The following DST variants were observed in gnomAD, a reference collection of about 807,000 sequenced individuals.
DST encodes bullous pemphigoid antigen.
Under a neutral mutation model 875.2 loss-of-function variants are expected in DST, and 253 were observed. That is an observed-to-expected ratio of 0.29 (90% confidence interval 0.26 to 0.32). The LOEUF (loss-of-function observed/expected upper bound fraction) is 0.32, where lower values mean the gene tolerates loss of function less well. DST is among the 10% of genes least tolerant of loss of function. The pLI is 1.00. For synonymous variants in DST, 3,124 were observed against 3,197.1 expected (o/e 0.98, Z 0.77); for missense variants, 8,287 against 9,111.6 (o/e 0.91, Z 3.68).
intron 39 of DST, 71 bp from the exon 40 acceptor site, chr6:56,609,415 G>A (rs2098525821): frequency 1.8e-6 from 2 of 1,102,630 alleles, no homozygotes; most frequent in Admixed American, 2.3e-5. Flanking sequence ...TGCAACTTAG[G>A]TTTTTTAAAA....
chr6:56,557,520 T>TA lies in DST; in HGVS notation c.14441-3dup. 2.5e-6 allele frequency: 4 copies of TA among 1,599,958 alleles called. No homozygotes were observed. Among genetic ancestry groups the TA allele is most frequent in the Non-Finnish European group, 2.6e-6 (3 of 1,173,274 alleles). ...GATTGAGTTCTTGCCACTTAGAATC[T>TA]AAAAGAAAAAAAATGAAACTGGTGT... On this transcript the variant is annotated splice_polypyrimidine_tract_variant and splice_region_variant and intron_variant, in intron 58 of 103. Coordinates refer to ENST00000680361, the MANE Select transcript of DST (RefSeq NM_001374736.1).
At chr6:56,759,515 T>G (rs1200049360) in intron 4 of DST, among the ~76,000 whole-genome samples, 1 of 152,168 alleles carries the variant, frequency 6.6e-6, no homozygotes, top group Non-Finnish European at 1.5e-5. Flanking sequence ...AGAAACTAAT[T>G]TTACAGCTAC....
At position 56,501,623 on chromosome 6, in the gene DST, A is replaced by C. The variant is rs1490235888; in HGVS notation, c.19637T>G (p.Leu6546Arg). ...ERLNHQAELL[L>R]KKVTEESDKH... ...GTCACTCTCTTCTGTTACTTTCTTT[A>C]GCAAAAGCTCTGCTTGATGATTCAG... Residue 6546 changes from leucine to arginine, a missense_variant, in exon 79 of 104, where the codon CTA becomes CGA. By Grantham distance (102) the Leu-to-Arg change is moderately radical. Coordinates refer to ENST00000680361, the MANE Select transcript of DST (RefSeq NM_001374736.1). The C allele has an allele frequency of 6.2e-7, 1 of 1,609,292 alleles. No homozygotes were observed. Among genetic ancestry groups the C allele is most frequent in the East Asian group, 2.2e-5 (1 of 44,476 alleles).
rs761963515 is a variant in DST, at chr6:56,506,644, T to TAACTAAAAA, written c.19362+22_19362+23insTTTTTAGTT. ...TAACTAAAAACTTTTTAAAAGCCAT[T>TAACTAAAAA]CTGATAAGTAAGCCAGTTGTACCTC... On this transcript the variant is annotated intron_variant, in intron 76 of 103. Transcript: ENST00000680361. 26 of 1,612,848 alleles carry TAACTAAAAA rather than the reference T, an allele frequency of 1.6e-5. No individual in the cohort carries two copies. The East Asian group carries it at 5.6e-4, about 35-fold the overall frequency.
In DST at chr6:56,527,705, AT is replaced by A; in HGVS notation, c.17709del (p.Lys5903AsnfsTer15). 1 of 1,606,966 alleles carries A rather than the reference AT, an allele frequency of 6.2e-7. No homozygotes were observed. The highest frequency in any genetic ancestry group is 8.5e-7 in the Non-Finnish European group (1 of 1,176,768). ...TGDEVLIIQD[K>X]LEAIKARYKD... ...TTGTACCTTGCTTTAATGGCTTCCA[AT>A]TTATCTTGAATTATTAAAACTTCAT... On this transcript the variant is annotated frameshift_variant, in exon 68 of 104. Transcript: ENST00000680361. LOFTEE classifies it high-confidence loss of function.
chr6:56,796,386 T>C (rs780936648), intron 4 of DST, among the ~76,000 whole-genome samples: 17 of 152,214 alleles, frequency 1.1e-4, no homozygotes, highest in Non-Finnish European at 2.4e-4. Context: ...CTAATGAATG[T>C]GGTAACTACA....
intron 36 of DST, chr6:56,615,340 T>C (rs1027348069): frequency 1.8e-5 from 26 of 1,452,168 alleles, no homozygotes; most frequent in African/African-American, 1.1e-4. Context: ...TTAAATCTTA[T>C]GTAATTTTCA....
chr6:56,831,305 G>T (rs1419551106), intron 4 of DST, among the ~76,000 whole-genome samples: 1 of 152,174 alleles, frequency 6.6e-6, no homozygotes, highest in Admixed American at 6.5e-5. Context: ...CACCGGTTAT[G>T]TATAAGCAAA....
chr6:56,953,318 A>G (rs1039570697), intron 2 of DST, among the ~76,000 whole-genome samples: 16 of 152,360 alleles, frequency 1.1e-4, no homozygotes, highest in African/African-American at 3.4e-4. Flanking sequence ...AAATCATCAG[A>G]TGGTCCCCAA....
At chr6:56,602,709 T>C (rs1346072189) in intron 43 of DST, among the ~76,000 whole-genome samples, 173 bp downstream of exon 43, 3 of 151,954 alleles carry the variant, frequency 2.0e-5, no homozygotes, top group Non-Finnish European at 4.4e-5. Context: ...AATGATACCC[T>C]TAAAGTTGTG....
rs75188888 is a variant in DST at position 56,531,543 on chromosome 6, T to C, written c.17108+801A>G. 6.3e-3 allele frequency among the ~76,000 whole-genome samples: 959 copies of C among 152,280 alleles called. 6 individuals carry two copies. The highest frequency in any genetic ancestry group is 0.022 in the African/African-American group (923 of 41,548). On this transcript the variant is annotated intron_variant, in intron 64 of 103. Coordinates refer to ENST00000680361, the MANE Select transcript of DST (RefSeq NM_001374736.1). ...TAAAGCTATAATTAATTATACTCTG[T>C]ATTTGAAGTTTAGACAAATCCTTCT...
chr6:56,636,800 G>A, intron 22 of DST, 148 bp from the exon 23 acceptor site: 1 of 731,444 alleles, frequency 1.4e-6, no homozygotes, highest in South Asian at 1.5e-5. Context: ...TTAGGGCAGT[G>A]GCTGGGCATG....
intron 5 of DST, among the ~76,000 whole-genome samples, chr6:56,733,817 C>T (rs1220643257): frequency 1.3e-5 from 2 of 151,890 alleles, no homozygotes; most frequent in African/African-American, 4.8e-5. Context: ...AAGCACCTCA[C>T]TGTCCAAAGG....
At chr6:56,938,159 A>G (rs929919128) in intron 2 of DST, among the ~76,000 whole-genome samples, 22 of 149,414 alleles carry the variant, frequency 1.5e-4, no homozygotes, top group African/African-American at 5.5e-4. Context: ...TTTGAGATAG[A>G]TTCTTGCTCT....
Position 56,834,290 on chromosome 6 carries a change from C to T in DST, c.625+17107G>A, listed in dbSNP as rs191756301. 1.7e-3 allele frequency among the ~76,000 whole-genome samples: 257 copies of T among 152,192 alleles called. 1 individual carries two copies. Among genetic ancestry groups the T allele is most frequent in the African/African-American group, 5.9e-3 (247 of 41,540 alleles). On this transcript the variant is annotated intron_variant, in intron 4 of 103. Transcript: ENST00000680361. ...CAGACACCTCACGAAAGGAAATACACAGATGACAAGCATATAAAAAGATAC... is the reference window on the plus strand; with the variant it reads ...CAGACACCTCACGAAAGGAAATACATAGATGACAAGCATATAAAAAGATAC...
In DST at chr6:56,610,484, T is replaced by C. The variant is rs755664254; in HGVS notation, c.5226A>G (p.Glu1742=). 7 of 1,567,572 alleles carry C rather than the reference T, an allele frequency of 4.5e-6. No homozygotes were observed. The South Asian group carries it at 8.2e-5, about 18-fold the overall frequency. The change falls in exon 39 of 104, where the codon GAA becomes GAG. Residue 1742 remains glutamate (E), a synonymous_variant. Transcript: ENST00000680361. The part of the protein sequence containing the change: ...LQESYNLLFS[E]SLKQLQESQT... ...GTGATTCTTGTAGCTGTTTCAGAGA[T>C]TCACTGAATAATAAATTATAACTTT... is the stretch of plus-strand genomic sequence containing the variant.
At chr6:56,620,189 T>G (rs766003470) in intron 36 of DST, 2 of 1,613,504 alleles carry the variant, frequency 1.2e-6, no homozygotes, top group Non-Finnish European at 1.7e-6. Flanking sequence ...TTCCTCATTG[T>G]CTCTCTTTCT....
intron 38 of DST, among the ~76,000 whole-genome samples, chr6:56,610,818 C>A (rs2098538363): frequency 6.6e-6 from 1 of 151,966 alleles, no homozygotes; most frequent in Non-Finnish European, 1.5e-5. Context: ...ATACAAAATT[C>A]CAAAATAACA....
chr6:56,609,134 G>C lies in DST; in HGVS notation c.5494C>G (p.Leu1832Val). The change falls in exon 40 of 104, where the codon CTG (leucine) becomes GTG (valine). Residue 1832 changes from leucine to valine, a missense_variant. Physicochemically the swap from Leu to Val is conservative, Grantham distance 32. Coordinates refer to ENST00000680361, the MANE Select transcript of DST (RefSeq NM_001374736.1). ...TTACTTAGTTCTTTGAGTTGGCACAGAATTTGTTCATCAATAAGGCCATGA... is the reference window on the plus strand; with the variant it reads ...TTACTTAGTTCTTTGAGTTGGCACACAATTTGTTCATCAATAAGGCCATGA... ...KSHGLIDEQI[L>V]CQLKELSKAK... 6.2e-7 allele frequency: 1 copy of C among 1,613,810 alleles called. No homozygotes were observed. Among genetic ancestry groups the C allele is most frequent in the Non-Finnish European group, 8.5e-7 (1 of 1,179,790 alleles).
Sources: allele counts gnomAD v4.1 joint callset (sites outside exome capture counted in the v4.1 genomes callset), GRCh38; gene constraint gnomAD v4.1.1; transcripts MANE v1.5; gene names NCBI Gene and HGNC (gene_info 2026-07-23, HGNC 2026-07-21).